The following BRD4 variants were observed in gnomAD, a reference collection of about 807,000 sequenced individuals.
The protein encoded by BRD4 is bromodomain containing 4, also known as bromodomain-containing protein 4.
A neutral mutation model predicts 142.1 loss-of-function variants in BRD4; 16 were observed. The observed-to-expected ratio is 0.11, with a 90% CI of 0.08 to 0.17. The LOEUF is 0.17. Among genes scored for constraint, BRD4 ranks in the 10% least tolerant of loss-of-function variants. The pLI is 1.00. For synonymous variants in BRD4, 833 were observed against 707.5 expected, an observed-to-expected ratio of 1.18 and a Z score of -2.82; for missense variants, 1,424 against 1,810.9, an observed-to-expected ratio of 0.79 and a Z score of 3.88.
intron 1 of BRD4, among the ~76,000 whole-genome samples, chr19:15,299,688 G>C (rs1488911635): frequency 6.6e-6 from 1 of 152,210 alleles, no homozygotes; most frequent in Non-Finnish European, 1.5e-5. Context: ...GGCCCAGCAT[G>C]AGTGGATTCC....
At chr19:15,309,831 T>C (rs1789544012) in intron 1 of BRD4, among the ~76,000 whole-genome samples, 2 of 152,106 alleles carry the variant, frequency 1.3e-5, no homozygotes, top group African/African-American at 2.4e-5. Context: ...TGAGGTACTG[T>C]ACCCAAGAAT....
rs952860124 is a variant in BRD4 at position 15,301,865 on chromosome 19, G to GAA, written c.-34-28734_-34-28733dup. ...CGACAGAGCGAGACTCCGTCTCAAA[G>GAA]AAAAAAAAAAAAAAAAAAAAAAAAG... On this transcript the variant is annotated intron_variant, in intron 1 of 19. Transcript: ENST00000679869. 1.3e-3 allele frequency among the ~76,000 whole-genome samples: 54 copies of GAA among 40,470 alleles called. 1 individual carries two copies. The highest frequency in any genetic ancestry group is 1.3e-3 in the Non-Finnish European group (26 of 19,304). 26.5% of individuals were successfully genotyped at this position (40,470 alleles called of 152,430 possible).
chr19:15,317,563 A>G (rs1429843091), intron 1 of BRD4, among the ~76,000 whole-genome samples: 1 of 152,222 alleles, frequency 6.6e-6, no homozygotes. Context: ...TTTCAGAGTC[A>G]ACAAAGATAA....
chr19:15,243,982 G>A (rs1363805870), intron 13 of BRD4, among the ~76,000 whole-genome samples: 1 of 152,210 alleles, frequency 6.6e-6, no homozygotes, highest in East Asian at 1.9e-4. Context: ...CATCTAGATT[G>A]TTACTCAAAT....
chr19:15,321,591 C>T (rs976491710), intron 1 of BRD4, among the ~76,000 whole-genome samples: 1 of 152,222 alleles, frequency 6.6e-6, no homozygotes, highest in Non-Finnish European at 1.5e-5. Flanking sequence ...GTACTGAAGT[C>T]ATTGTGGAGC....
chr19:15,252,655 G>A (rs1011785664), intron 11 of BRD4, among the ~76,000 whole-genome samples: 2 of 152,236 alleles, frequency 1.3e-5, no homozygotes, highest in Admixed American at 1.3e-4. Context: ...AGTGTGGGGA[G>A]AGTAACGGTT....
At chr19:15,318,213 C>T (rs914419712) in intron 1 of BRD4, among the ~76,000 whole-genome samples, 5 of 151,952 alleles carry the variant, frequency 3.3e-5, no homozygotes, top group African/African-American at 1.2e-4. Flanking sequence ...TTAATAAAAG[C>T]CAAGACCAAT....
At chr19:15,252,510 T>C (rs918649268) in intron 11 of BRD4, among the ~76,000 whole-genome samples, 9 of 152,202 alleles carry the variant, frequency 5.9e-5, no homozygotes, top group African/African-American at 2.2e-4. Context: ...GGAATGCTAA[T>C]TGGATCCAAG....
Position 15,325,005 on chromosome 19 carries a change from C to T in BRD4, c.-35+7285G>A, listed in dbSNP as rs116875784. On this transcript the variant is annotated intron_variant, in intron 1 of 19. Transcript: ENST00000679869. ...GCTGTAGTGTCACCCAGTACCATGC[C>T]CTGGATCAGCTGGTGCACCTCCTGG... 2.2e-3 allele frequency among the ~76,000 whole-genome samples: 331 copies of T among 152,280 alleles called. 17 individuals carry two copies. The East Asian group carries it at 0.055, about 25-fold the overall frequency.
At chr19:15,327,169 C>A (rs2048115204) in intron 1 of BRD4, among the ~76,000 whole-genome samples, 1 of 152,166 alleles carries the variant, frequency 6.6e-6, no homozygotes, top group African/African-American at 2.4e-5. Flanking sequence ...AGTCGCTGTG[C>A]ACCCTCAAAA....
intron 4 of BRD4, 130 bp downstream of exon 4, chr19:15,267,286 T>C: frequency 2.5e-6 from 3 of 1,216,470 alleles, no homozygotes; most frequent in Non-Finnish European, 3.5e-6. Context: ...CAATCTCACA[T>C]GTCCAAACAC....
chr19:15,257,158 G>A lies in BRD4; in HGVS notation c.1357C>T (p.Arg453Cys), dbSNP rs759001252. The change falls in exon 8 of 20, where the codon CGC (arginine) becomes TGC (cysteine). Residue 453 changes from arginine (R) to cysteine (C), a missense_variant. By Grantham distance (180) the Arg-to-Cys change is radical. Coordinates refer to ENST00000679869, the MANE Select transcript of BRD4 (RefSeq NM_001379291.1). ...ARKLQDVFEM[R>C]FAKMPDEPEE... ...GGCTCGTCCGGCATCTTGGCAAAGC[G>A]CATTTCGAACACATCCTGGTGAGGG... is the stretch of plus-strand genomic sequence containing the variant. 5.0e-6 allele frequency: 8 copies of A among 1,606,608 alleles called. No homozygotes were observed. The highest frequency in any genetic ancestry group is 1.3e-5 in the African/African-American group (1 of 74,842).
At chr19:15,253,597 G>T (rs1449665168) in intron 11 of BRD4, 9 of 1,591,462 alleles carry the variant, frequency 5.7e-6, no homozygotes, top group Non-Finnish European at 7.6e-6. Flanking sequence ...CTCTGGGGAG[G>T]GGTAGGCAAT....
rs200116413 is a variant in BRD4, at chr19:15,237,976, G to C, written c.*401C>G. On this transcript the variant is annotated 3_prime_UTR_variant, in exon 20 of 20. Coordinates refer to ENST00000679869, the MANE Select transcript of BRD4 (RefSeq NM_001379291.1). ...GTGGGGAAAGACTCCCGGCGGGCAG[G>C]ACATCACGAACGTCACGTTCTTGGG... The C allele has an allele frequency of 1.1e-4, 27 of 245,266 alleles. No individual in the cohort carries two copies. The South Asian group carries it at 3.9e-3, about 35-fold the overall frequency. 15.2% of individuals were successfully genotyped at this position (245,266 alleles called of 1,614,324 possible).
chr19:15,240,855 C>T (rs1378557772), intron 14 of BRD4, among the ~76,000 whole-genome samples: 2 of 152,206 alleles, frequency 1.3e-5, no homozygotes, highest in Non-Finnish European at 2.9e-5. Context: ...TCGGGACAAG[C>T]CACACTGTCC....
chr19:15,298,446 C>A (rs1214104705), intron 1 of BRD4, among the ~76,000 whole-genome samples: 1 of 151,376 alleles, frequency 6.6e-6, no homozygotes, highest in Non-Finnish European at 1.5e-5. Flanking sequence ...GACCAGCCTG[C>A]CCAGTATCTA....
At position 15,244,267 on chromosome 19, in the gene BRD4, G is replaced by A. The variant is rs2145515404; in HGVS notation, c.2545C>T (p.Pro849Ser). ...LPQPPEHSTP[P>S]HLNQHAVVSP... The stretch of plus-strand genomic sequence containing the variant: ...ACCACTGCGTGCTGGTTGAGATGGG[G>A]TGGAGTGCTGTGCTCAGGCGGCTGG... Residue 849 changes from proline (P) to serine (S), a missense_variant, in exon 13 of 20, where the codon CCC (proline) becomes TCC (serine). Coordinates refer to ENST00000679869, the MANE Select transcript of BRD4 (RefSeq NM_001379291.1). The A allele has an allele frequency of 6.3e-7, 1 of 1,585,166 alleles. No individual in the cohort carries two copies. The highest frequency in any genetic ancestry group is 2.3e-5 in the East Asian group (1 of 43,860).
chr19:15,268,438 C>T (rs1191853901), intron 3 of BRD4, among the ~76,000 whole-genome samples: 1 of 152,158 alleles, frequency 6.6e-6, no homozygotes, highest in Non-Finnish European at 1.5e-5. Context: ...AGCAGACCAT[C>T]ACCCACAGAG....
intron 1 of BRD4, among the ~76,000 whole-genome samples, chr19:15,308,216 A>G (rs550203498): frequency 3.9e-5 from 5 of 127,002 alleles, no homozygotes; most frequent in Admixed American, 2.0e-4. Flanking sequence ...AAACTCCCAT[A>G]CCTATCAGCA....
Sources: allele counts gnomAD v4.1 joint callset (sites outside exome capture counted in the v4.1 genomes callset), GRCh38; gene constraint gnomAD v4.1.1; transcripts MANE v1.5; gene names NCBI Gene and HGNC (gene_info 2026-07-23, HGNC 2026-07-21).